PTAFR: variants seen among roughly 807,000 people sequenced by gnomAD.
The protein encoded by PTAFR is platelet-activating factor receptor.
Under a neutral mutation model 14.7 loss-of-function variants are expected in PTAFR, and 8 were observed. The observed-to-expected ratio is 0.54, with a 90% CI of 0.32 to 0.98. The LOEUF (loss-of-function observed/expected upper bound fraction) is 0.98. Ranked by LOEUF, PTAFR falls within the 50% of genes least tolerant of loss-of-function variation. The pLI is 0.04. For missense variants in PTAFR, 337 were observed against 451.2 expected (o/e 0.75, Z 2.29); for synonymous variants, 156 against 176.5 (o/e 0.88, Z 0.92).
At chr1:28,157,842 G>A (rs1222968755) in intron 1 of PTAFR, among the ~76,000 whole-genome samples, 1 of 151,280 alleles carries the variant, frequency 6.6e-6, no homozygotes, top group Non-Finnish European at 1.5e-5. Flanking sequence ...ATGTTAGCCA[G>A]GATGGTCTTG....
upstream of PTAFR, among the ~76,000 whole-genome samples, chr1:28,179,819 GA>G (rs112494615): frequency 1.8e-4 from 25 of 142,726 alleles, no homozygotes; most frequent in South Asian, 6.7e-4. Context: ...AGCCTGGGTG[GA>G]AAAAAAAAAA....
chr1:28,171,479 G>T (rs375616780), intron 1 of PTAFR, among the ~76,000 whole-genome samples: 1 of 152,028 alleles, frequency 6.6e-6, no homozygotes, highest in African/African-American at 2.4e-5. Flanking sequence ...TGGCCGTGCC[G>T]ACCACACCCT....
chr1:28,169,064 T>C (rs1646424195), intron 1 of PTAFR, among the ~76,000 whole-genome samples: 1 of 152,038 alleles, frequency 6.6e-6, no homozygotes, highest in South Asian at 2.1e-4. Context: ...AATGTGAATA[T>C]AGGTAGCATG....
At chr1:28,177,477 C>T (rs927476725), upstream of PTAFR, among the ~76,000 whole-genome samples, 2 of 152,166 alleles carry the variant, frequency 1.3e-5, no homozygotes, top group Admixed American at 1.3e-4. Context: ...TGGTCTCAAA[C>T]TCCTGGGCTC....
intron 1 of PTAFR, among the ~76,000 whole-genome samples, chr1:28,174,215 A>G (rs1646487606): frequency 6.6e-6 from 1 of 152,050 alleles, no homozygotes; most frequent in Admixed American, 6.6e-5. Flanking sequence ...CTCCCGACCC[A>G]GACACACACC....
chr1:28,174,143 G>C (rs1646486163), intron 1 of PTAFR, among the ~76,000 whole-genome samples: 1 of 152,106 alleles, frequency 6.6e-6, no homozygotes, highest in African/African-American at 2.4e-5. Flanking sequence ...AGCCCAAGAG[G>C]GGGTGGTCAG....
chr1:28,180,174 G>A (rs554841718), upstream of PTAFR, among the ~76,000 whole-genome samples: 20 of 152,198 alleles, frequency 1.3e-4, no homozygotes, highest in Admixed American at 6.5e-4. Flanking sequence ...AAAATAAAAT[G>A]AAATAAAAGC....
chr1:28,169,260 AAG>A (rs1259406405), intron 1 of PTAFR, among the ~76,000 whole-genome samples: 3 of 151,966 alleles, frequency 2.0e-5, no homozygotes, highest in Non-Finnish European at 2.9e-5. Context: ...AATGCATGCT[AAG>A]AGAGTAAATT....
intron 1 of PTAFR, among the ~76,000 whole-genome samples, chr1:28,186,039 G>A (rs138692313): frequency 0.021 from 3,220 of 152,010 alleles, 129 homozygotes; most frequent in African/African-American, 0.073. Context: ...GTGCAGTGGC[G>A]CCATCTCAGC....
chr1:28,182,956 C>T lies in PTAFR; in HGVS notation c.-39+10766G>A, dbSNP rs557585441. On this transcript the variant is annotated intron_variant, in intron 1 of 1. Transcript: ENST00000305392. Reference sequence around the variant, plus strand: ...TCAGCCTCCCAAAGTGCTGGGATTACAGGTGCGAGCCACCAGGCCCGGTGG... The same window carrying T: ...TCAGCCTCCCAAAGTGCTGGGATTATAGGTGCGAGCCACCAGGCCCGGTGG... Among the ~76,000 whole-genome samples the T allele has an allele frequency of 1.0e-3, 157 of 152,292 alleles. 1 individual carries two copies. Among genetic ancestry groups the T allele is most frequent in the African/African-American group, 3.3e-3 (136 of 41,584 alleles).
chr1:28,174,102 G>C (rs1231620885), intron 1 of PTAFR, among the ~76,000 whole-genome samples: 1 of 152,042 alleles, frequency 6.6e-6, no homozygotes, highest in South Asian at 2.1e-4. Context: ...CACACCAGAG[G>C]CTTCTCCCCG....
At chr1:28,159,890 G>A (rs1383572958) in intron 1 of PTAFR, among the ~76,000 whole-genome samples, 1 of 151,844 alleles carries the variant, frequency 6.6e-6, no homozygotes, top group East Asian at 1.9e-4. Flanking sequence ...TTTGGATCCT[G>A]ATTCAAATAA....
Position 28,149,796 on chromosome 1 carries a change from GAAGGGGC to G in PTAFR, c.*190_*196del. On this transcript the variant is annotated 3_prime_UTR_variant, in exon 2 of 2. Transcript: ENST00000373857. ...CTGTAGTATGCGCCCACAGGCGGAT[GAAGGGGC>G]TCATTTGAGTTCTGGATTTTCCAAC... 1.6e-6 allele frequency: 1 copy of G among 644,574 alleles called. No homozygotes were observed. Among genetic ancestry groups the G allele is most frequent in the Non-Finnish European group, 2.6e-6 (1 of 383,906 alleles). 39.9% of individuals were successfully genotyped at this position (644,574 alleles called of 1,614,324 possible). A position where few individuals can be genotyped will look rare whatever the true frequency, so the allele number is the denominator to read the frequency against.
rs780344665 is a variant in PTAFR at position 28,167,633 on chromosome 1, A to ATTTTTTT, written c.-39+8952_-39+8958dup. On this transcript the variant is annotated intron_variant, in intron 1 of 1. Coordinates refer to ENST00000373857, the MANE Select transcript of PTAFR (RefSeq NM_000952.5). Reference sequence around the variant, plus strand: ...TATATTCAAAAGAACTGAAAACGGGATTTTTTTTTTTTTTTTTTTTTTTTT... The same window carrying ATTTTTTT: ...TATATTCAAAAGAACTGAAAACGGGATTTTTTTTTTTTTTTTTTTTTTTTTTTTTTTT... Among the ~76,000 whole-genome samples, 230 of 80,246 alleles carry ATTTTTTT rather than the reference A, an allele frequency of 2.9e-3. 27 individuals are homozygous for ATTTTTTT. The highest frequency in any genetic ancestry group is 6.2e-3 in the African/African-American group (112 of 18,044). 52.6% of individuals were successfully genotyped at this position (80,246 alleles called of 152,430 possible).
chr1:28,190,868 C>A (rs2481974), intron 1 of PTAFR, among the ~76,000 whole-genome samples: 62,955 of 151,958 alleles, frequency 0.41, 14,528 homozygotes, highest in African/African-American at 0.61. Flanking sequence ...TAGGGAGTTT[C>A]AATCTCACCT....
intron 1 of PTAFR, among the ~76,000 whole-genome samples, chr1:28,171,192 G>A (rs1005064271): frequency 4.6e-5 from 7 of 151,156 alleles, no homozygotes; most frequent in South Asian, 2.1e-4. Flanking sequence ...GTGTGGTGGC[G>A]CACATCTGTA....
At chr1:28,181,680 T>G (rs956594494), upstream of PTAFR, among the ~76,000 whole-genome samples, 1 of 151,952 alleles carries the variant, frequency 6.6e-6, no homozygotes, top group Non-Finnish European at 1.5e-5. Context: ...AGGCGGAGGT[T>G]GCGGTGAGCC....
chr1:28,171,419 G>C (rs1646453213), intron 1 of PTAFR, among the ~76,000 whole-genome samples: 1 of 152,024 alleles, frequency 6.6e-6, no homozygotes, highest in Admixed American at 6.6e-5. Context: ...CAATACATGA[G>C]TTACTTCCTG....
chr1:28,166,764 G>T (rs528031153), intron 1 of PTAFR, among the ~76,000 whole-genome samples: 16 of 152,032 alleles, frequency 1.1e-4, no homozygotes, highest in South Asian at 1.0e-3. Context: ...ATTGCTTGAA[G>T]CCAGGAGTTT....
Sources: gnomAD v4.1 joint callset for allele counts (sites outside exome capture counted in the v4.1 genomes callset) on GRCh38, gnomAD v4.1.1 for gene constraint, MANE v1.5 for transcripts, NCBI Gene and HGNC (gene_info 2026-07-23, HGNC 2026-07-21) for gene names.